The following IMPG1 variants were observed in gnomAD, a reference collection of about 807,000 sequenced individuals.
The protein encoded by IMPG1 is interphotoreceptor matrix proteoglycan 1.
IMPG1 carries 85 observed loss-of-function variants against 92.0 expected under a neutral mutation model. The ratio of observed to expected loss-of-function variants is 0.92; its 90% CI spans 0.78 to 1.11. The LOEUF is 1.11. Among genes scored for constraint, IMPG1 ranks in the 50% least tolerant of loss-of-function variants. The pLI is 0.00. For missense variants in IMPG1, 1,022 were observed against 956.0 expected (o/e 1.07, Z -0.91); for synonymous variants, 367 against 334.1 (o/e 1.10, Z -1.08).
chr6:76,020,492 C>T (rs1396734430), intron 6 of IMPG1, among the ~76,000 whole-genome samples: 2 of 152,094 alleles, frequency 1.3e-5, no homozygotes, highest in Admixed American at 6.5e-5. Context: ...GAACTTTGTG[C>T]CTTTGCCCTG....
rs906664476 is a variant in IMPG1 at position 75,947,375 on chromosome 6, A to G, written c.1983T>C (p.Arg661=). The G allele has an allele frequency of 3.1e-6, 5 of 1,614,026 alleles. No homozygotes were observed. The highest frequency in any genetic ancestry group is 4.2e-6 in the Non-Finnish European group (5 of 1,179,920). Residue 661 remains arginine (R), a synonymous_variant, in exon 14 of 17, where the codon CGT becomes CGC. Coordinates refer to ENST00000369950, the MANE Select transcript of IMPG1 (RefSeq NM_001563.4). ...GATGGAGTTGTTGGGCTGCAGCAGA[A>G]CGAAAATCCTCCAAGACCCCGTGCA... The part of the protein sequence containing the change: ...KAVHGVLEDF[R]SAAAQQLHLE...
intron 4 of IMPG1, among the ~76,000 whole-genome samples, chr6:76,029,703 A>G (rs1783621847): frequency 6.6e-6 from 1 of 152,202 alleles, no homozygotes; most frequent in South Asian, 2.1e-4. Context: ...ATAAATAGGG[A>G]ATAAATAGGG....
chr6:76,051,343 G>A (rs1490623769), intron 1 of IMPG1, among the ~76,000 whole-genome samples: 1 of 152,136 alleles, frequency 6.6e-6, no homozygotes, highest in East Asian at 1.9e-4. Context: ...AATTATGCAG[G>A]TTTTCTGAAT....
At chr6:75,960,269 C>G (rs181856215) in intron 12 of IMPG1, among the ~76,000 whole-genome samples, 29 of 152,286 alleles carry the variant, frequency 1.9e-4, no homozygotes, top group African/African-American at 6.7e-4. Context: ...CACCTGCCTT[C>G]TGCATTGATC....
At chr6:75,968,993 G>A (rs1275372129) in intron 12 of IMPG1, among the ~76,000 whole-genome samples, 2 of 152,074 alleles carry the variant, frequency 1.3e-5, no homozygotes, top group African/African-American at 4.8e-5. Flanking sequence ...GCTTAAAAAA[G>A]AAGAAAATTC....
At chr6:76,054,462 T>C (rs1784088568) in intron 1 of IMPG1, among the ~76,000 whole-genome samples, 1 of 152,174 alleles carries the variant, frequency 6.6e-6, no homozygotes, top group East Asian at 1.9e-4. Context: ...ACAGTGATTG[T>C]CAGACTACAT....
At chr6:75,993,258 G>T (rs919316264) in intron 12 of IMPG1, among the ~76,000 whole-genome samples, 1 of 152,118 alleles carries the variant, frequency 6.6e-6, no homozygotes, top group African/African-American at 2.4e-5. Context: ...ACGGGGCATT[G>T]GTATTTAAAT....
At chr6:75,983,158 A>G (rs1782656924) in intron 12 of IMPG1, among the ~76,000 whole-genome samples, 2 of 151,702 alleles carry the variant, frequency 1.3e-5, no homozygotes, top group Admixed American at 6.6e-5. Flanking sequence ...TGGGTGCACA[A>G]GGAGATATAT....
In IMPG1 at chr6:75,921,736, C is replaced by T; in HGVS notation, c.*353G>A. The T allele has an allele frequency of 8.9e-6, 2 of 225,276 alleles. No homozygotes were observed. Among genetic ancestry groups the T allele is most frequent in the Non-Finnish European group, 1.7e-5 (2 of 114,548 alleles). 14.0% of individuals were successfully genotyped at this position (225,276 alleles called of 1,614,324 possible). A position where few individuals can be genotyped will look rare whatever the true frequency, so the allele number is the denominator to read the frequency against. Reference sequence around the variant, plus strand: ...TTGCTTCCCAATAAATTGTTCAGTCCCTAAACAATAAGTAAGCTATGCTTG... The same window carrying T: ...TTGCTTCCCAATAAATTGTTCAGTCTCTAAACAATAAGTAAGCTATGCTTG... On this transcript the variant is annotated 3_prime_UTR_variant, in exon 17 of 17. Transcript: ENST00000369950.
intron 12 of IMPG1, among the ~76,000 whole-genome samples, chr6:75,995,169 T>C (rs1782875456): frequency 6.6e-6 from 1 of 152,214 alleles, no homozygotes; most frequent in Admixed American, 6.5e-5. Context: ...TTCACTTCTA[T>C]TCATCTCTCC....
intron 13 of IMPG1, among the ~76,000 whole-genome samples, chr6:75,948,565 C>T (rs1320114745): frequency 2.6e-5 from 4 of 152,112 alleles, no homozygotes; most frequent in Admixed American, 2.0e-4. Context: ...TTAAACAAAT[C>T]GTGGTACTTC....
At position 76,004,070 on chromosome 6, in the gene IMPG1, A is replaced by G. The variant is rs1783047976; in HGVS notation, c.1136-120T>C. On this transcript the variant is annotated intron_variant, in intron 10 of 16. Transcript: ENST00000369950. ...CCAATCCTTAAGGAGTAGTACAACA[A>G]ATCATTAGGAAACCAGAGGCATAGA... 1.3e-5 allele frequency: 9 copies of G among 666,772 alleles called. No individual in the cohort carries two copies. In the East Asian group the frequency reaches 2.6e-4, roughly 19 times the overall value. The allele number at this position is 666,772 out of a possible 1,614,324, so 41.3% of individuals were successfully genotyped here.
At chr6:75,931,347 T>C (rs972544089) in intron 14 of IMPG1, among the ~76,000 whole-genome samples, 196 bp from the exon 15 acceptor site, 1 of 152,198 alleles carries the variant, frequency 6.6e-6, no homozygotes, top group African/African-American at 2.4e-5. Flanking sequence ...ACAAGTGATA[T>C]TAGTTTAGCT....
Position 76,034,605 on chromosome 6 carries a change from T to A in IMPG1, c.468+16A>T. The A allele has an allele frequency of 6.2e-7, 1 of 1,613,410 alleles. No individual in the cohort carries two copies. The highest frequency in any genetic ancestry group is 8.5e-7 in the Non-Finnish European group (1 of 1,179,480). ...TCGTGCAGTGTTCCAAATAACCATGTGGTGTTTAGGCTCACCTGCTGGAGA... is the reference window on the plus strand; with the variant it reads ...TCGTGCAGTGTTCCAAATAACCATGAGGTGTTTAGGCTCACCTGCTGGAGA... On this transcript the variant is annotated intron_variant, in intron 3 of 16. Coordinates refer to ENST00000369950, the MANE Select transcript of IMPG1 (RefSeq NM_001563.4).
chr6:75,934,745 G>A (rs186797352), intron 14 of IMPG1, among the ~76,000 whole-genome samples: 2 of 152,236 alleles, frequency 1.3e-5, no homozygotes, highest in Admixed American at 6.5e-5. Context: ...GACCTCAGAA[G>A]GTCTCACTCC....
At chr6:75,992,273 G>A (rs1782824995) in intron 12 of IMPG1, among the ~76,000 whole-genome samples, 1 of 152,158 alleles carries the variant, frequency 6.6e-6, no homozygotes, top group African/African-American at 2.4e-5. Context: ...ACAATAATAT[G>A]AGCCAGCTCC....
intron 13 of IMPG1, among the ~76,000 whole-genome samples, chr6:75,947,771 T>G (rs1284441345): frequency 6.6e-6 from 1 of 152,158 alleles, no homozygotes; most frequent in South Asian, 2.1e-4. Context: ...GGCTGTGATT[T>G]TTTTCATGGT....
intron 2 of IMPG1, among the ~76,000 whole-genome samples, chr6:76,038,045 C>T (rs947339): frequency 0.98 from 149,926 of 152,322 alleles, 73,816 homozygotes; most frequent in East Asian, 1. Context: ...ATAACTGATG[C>T]AGACAGATGT....
At chr6:75,935,065 T>C (rs1315668344) in intron 14 of IMPG1, 1 of 468,390 alleles carries the variant, frequency 2.1e-6, no homozygotes, top group Non-Finnish European at 4.4e-6. Context: ...TGGACGTTTT[T>C]TCCAATGCGA....
Sources: gnomAD v4.1 joint callset for allele counts (sites outside exome capture counted in the v4.1 genomes callset) on GRCh38, gnomAD v4.1.1 for gene constraint, MANE v1.5 for transcripts, NCBI Gene and HGNC (gene_info 2026-07-23, HGNC 2026-07-21) for gene names.